FAM20A: variants seen among roughly 807,000 people sequenced by gnomAD.
FAM20A encodes the protein pseudokinase FAM20A.
A neutral mutation model predicts 52.0 loss-of-function variants in FAM20A; 42 were observed. The ratio of observed to expected loss-of-function variants is 0.81; its 90% CI spans 0.63 to 1.04. The LOEUF is 1.04. Among genes scored for constraint, FAM20A ranks in the 50% least tolerant of loss-of-function variants. The pLI is 0.00. For missense variants in FAM20A, 742 were observed against 712.7 expected (o/e 1.04, Z -0.47); for synonymous variants, 304 against 298.9 (o/e 1.02, Z -0.18).
rs1198809973 is a variant in FAM20A at position 68,537,168 on chromosome 17, C to G, written c.*309G>C. On this transcript the variant is annotated 3_prime_UTR_variant, in exon 11 of 11. Coordinates refer to ENST00000592554, the MANE Select transcript of FAM20A (RefSeq NM_017565.4). The surrounding 1 kb of genome is among the most constrained non-coding windows in gnomAD (Gnocchi z 4.2). ...TTGACTTGTTACCATTAGTACTCTC[C>G]TGGGATCAAGGCTGCCAAGCCTGAC... is the stretch of plus-strand genomic sequence containing the variant. 4 of 553,332 alleles carry G rather than the reference C, an allele frequency of 7.2e-6. No homozygotes were observed. The highest frequency in any genetic ancestry group is 6.6e-5 in the Admixed American group (3 of 45,448). 34.3% of individuals were successfully genotyped at this position (553,332 alleles called of 1,614,324 possible). A position where few individuals can be genotyped will look rare whatever the true frequency, so the allele number is the denominator to read the frequency against.
rs1178456210 is a variant in FAM20A at position 68,600,743 on chromosome 17, A to G, written c.-77T>C. ...CCGGGAGGGGTCGCGGGGTGCGGGC[A>G]GAAGAGGTGCCTGGAGTCCCGCGGG... On this transcript the variant is annotated 5_prime_UTR_variant, in exon 1 of 11. Transcript: ENST00000592554. The surrounding 1 kb of genome is among the most constrained non-coding windows in gnomAD (Gnocchi z 6.2). 5 of 1,462,616 alleles carry G rather than the reference A, an allele frequency of 3.4e-6. No homozygotes were observed. The African/African-American group carries it at 5.8e-5, about 17-fold the overall frequency. 90.6% of individuals were successfully genotyped at this position (1,462,616 alleles called of 1,614,324 possible). A position where few individuals can be genotyped will look rare whatever the true frequency, so the allele number is the denominator to read the frequency against.
At chr17:68,571,985 T>A in intron 1 of FAM20A, among the ~76,000 whole-genome samples, 1 of 42,568 alleles carries the variant, frequency 2.3e-5, no homozygotes, top group South Asian at 9.4e-4. Flanking sequence ...TGTATATACA[T>A]ACATATATAT....
chr17:68,542,224 T>A, intron 6 of FAM20A, 59 bp from the exon 7 acceptor site: 1 of 1,585,530 alleles, frequency 6.3e-7, no homozygotes, highest in East Asian at 2.2e-5. Context: ...CATGACATCT[T>A]CCTGGCCTAG....
intron 6 of FAM20A, among the ~76,000 whole-genome samples, chr17:68,542,460 G>T (rs1296741346): frequency 6.6e-6 from 1 of 152,086 alleles, no homozygotes; most frequent in Non-Finnish European, 1.5e-5. Flanking sequence ...GGCCAGCATT[G>T]TAGGGTCAAT....
intron 1 of FAM20A, among the ~76,000 whole-genome samples, chr17:68,574,311 G>T (rs2087663783): frequency 6.6e-6 from 1 of 152,152 alleles, no homozygotes. Flanking sequence ...GCGATCCTCT[G>T]CAGAGTTCTG....
chr17:68,593,691 A>G (rs1010187092), intron 1 of FAM20A, among the ~76,000 whole-genome samples: 3 of 152,220 alleles, frequency 2.0e-5, no homozygotes, highest in Non-Finnish European at 2.9e-5. Context: ...TCTGTTTCCA[A>G]TGATTTGTTC....
intron 4 of FAM20A, among the ~76,000 whole-genome samples, chr17:68,550,256 A>T (rs1054996168): frequency 1.3e-5 from 2 of 152,172 alleles, no homozygotes; most frequent in African/African-American, 4.8e-5. Flanking sequence ...TGGGATTTTA[A>T]AATCAATATA....
intron 1 of FAM20A, among the ~76,000 whole-genome samples, chr17:68,591,601 A>G (rs1437425950): frequency 6.6e-6 from 1 of 152,258 alleles, no homozygotes; most frequent in Non-Finnish European, 1.5e-5. Context: ...GAGACAGCTA[A>G]GGGTCCCTGG....
chr17:68,544,316 T>A (rs1163479474), intron 4 of FAM20A, among the ~76,000 whole-genome samples: 2 of 152,172 alleles, frequency 1.3e-5, no homozygotes, highest in Non-Finnish European at 2.9e-5. Context: ...TTGATTTATA[T>A]ACATTAAATC....
At position 68,543,623 on chromosome 17, in the gene FAM20A, C is replaced by T; in HGVS notation, c.812+6G>A. 4 of 1,613,864 alleles carry T rather than the reference C, an allele frequency of 2.5e-6. No individual in the cohort carries two copies. The highest frequency in any genetic ancestry group is 3.4e-6 in the Non-Finnish European group (4 of 1,179,782). On this transcript the variant is annotated splice_donor_region_variant and intron_variant, in intron 5 of 10. Transcript: ENST00000592554. ...GCAATGCCATCTCCATGGGGCCAGA[C>T]CCTACCTGTCCAGATGGAAAGCTGC...
At position 68,559,256 on chromosome 17, in the gene FAM20A, T is replaced by G. The variant is rs1046686287; in HGVS notation, c.405-3513A>C. The stretch of plus-strand genomic sequence containing the variant: ...TTTAAGCATATGCTTTCATTTCTTT[T>G]AAAAATAACCCTAAGTAATATTTTT... On this transcript the variant is annotated intron_variant, in intron 1 of 10. Coordinates refer to ENST00000592554, the MANE Select transcript of FAM20A (RefSeq NM_017565.4). Among the ~76,000 whole-genome samples, 146 of 152,358 alleles carry G rather than the reference T, an allele frequency of 9.6e-4. 2 individuals carry two copies. The highest frequency in any genetic ancestry group is 3.4e-3 in the African/African-American group (140 of 41,584).
intron 1 of FAM20A, among the ~76,000 whole-genome samples, chr17:68,558,901 G>A (rs1194522725): frequency 6.6e-6 from 1 of 152,142 alleles, no homozygotes; most frequent in Non-Finnish European, 1.5e-5. Context: ...TGGGATTACA[G>A]GTGCATGCCA....
At chr17:68,549,404 T>G (rs143997309) in intron 4 of FAM20A, among the ~76,000 whole-genome samples, 1,674 of 151,386 alleles carry the variant, frequency 0.011, 20 homozygotes, top group African/African-American at 0.039. Flanking sequence ...TGAGGCAGGA[T>G]AATTGCTTGA....
At chr17:68,561,488 C>T (rs1213599079) in intron 1 of FAM20A, among the ~76,000 whole-genome samples, 1 of 151,742 alleles carries the variant, frequency 6.6e-6, no homozygotes, top group African/African-American at 2.4e-5. Context: ...AAGCTCCATT[C>T]TGTTTCATGC....
intron 3 of FAM20A, among the ~76,000 whole-genome samples, chr17:68,553,747 CATATATATACAT>C (rs561017485): frequency 1.1e-3 from 156 of 145,462 alleles, no homozygotes; most frequent in African/African-American, 3.7e-3. Flanking sequence ...TATATATACA[CATATATATACAT>C]ATATATACAT....
chr17:68,571,512 T>C (rs2087533875), intron 1 of FAM20A, among the ~76,000 whole-genome samples: 1 of 152,222 alleles, frequency 6.6e-6, no homozygotes. Context: ...ACTCATTTAA[T>C]ACATTTCCAA....
Position 68,539,892 on chromosome 17 carries a change from C to A in FAM20A, c.1294G>T (p.Ala432Ser), listed in dbSNP as rs200599944. 61 of 1,614,030 alleles carry A rather than the reference C, an allele frequency of 3.8e-5. No homozygotes were observed. The highest frequency in any genetic ancestry group is 3.3e-4 in the Middle Eastern group (2 of 6,058). The part of the protein sequence containing the change: ...DDGFLIHLDN[A>S]RGFGRHSHDE... ...ACACGTGGGGAAGCTCACCCTCTGG[C>A]GTTGTCAAGGTGAATAAGGAACCCA... Residue 432 changes from alanine to serine, a missense_variant, in exon 9 of 11, where the codon GCC (alanine) becomes TCC (serine). Ala to Ser is a moderately conservative substitution (Grantham distance 99). Transcript: ENST00000592554.
At chr17:68,546,829 CA>C (rs35112614) in intron 4 of FAM20A, among the ~76,000 whole-genome samples, 29,846 of 83,950 alleles carry the variant, frequency 0.36, 2,774 homozygotes, top group East Asian at 0.55. Flanking sequence ...GACTACGGCT[CA>C]AAAAAAAAAA....
At chr17:68,548,732 T>TC (rs1332604908) in intron 4 of FAM20A, among the ~76,000 whole-genome samples, 9 of 139,350 alleles carry the variant, frequency 6.5e-5, no homozygotes, top group South Asian at 2.5e-4. Context: ...TATATTTTTT[T>TC]TTTTTTTTTT....
Sources: allele counts gnomAD v4.1 joint callset (sites outside exome capture counted in the v4.1 genomes callset), GRCh38; gene constraint gnomAD v4.1.1; non-coding constraint Gnocchi (gnomAD v3.1); transcripts MANE v1.5; gene names NCBI Gene and HGNC (gene_info 2026-07-23, HGNC 2026-07-21).